The following ERCC1 variants were observed in gnomAD, a reference collection of about 807,000 sequenced individuals.
The protein encoded by ERCC1 is ERCC excision repair 1, endonuclease non-catalytic subunit.
Under a neutral mutation model 37.6 loss-of-function variants are expected in ERCC1, and 36 were observed. The observed-to-expected ratio is 0.96, with a 90% CI of 0.73 to 1.26. The LOEUF (loss-of-function observed/expected upper bound fraction) is 1.26, where lower values mean the gene tolerates loss of function less well. Ranked by LOEUF, ERCC1 falls within the 50% of genes most tolerant of loss-of-function variation. The pLI is 0.00. For synonymous variants in ERCC1, 156 were observed against 162.1 expected (o/e 0.96, Z 0.28); for missense variants, 349 against 376.5 (o/e 0.93, Z 0.60).
At chr19:45,438,063 A>T (rs1268163487) in intron 1 of ERCC1, among the ~76,000 whole-genome samples, 2 of 151,982 alleles carry the variant, frequency 1.3e-5, no homozygotes, top group Non-Finnish European at 2.9e-5. Flanking sequence ...GTGTGAGACC[A>T]CGCCCAGCTA....
At chr19:45,429,903 G>A (rs1568594746) in intron 1 of ERCC1, among the ~76,000 whole-genome samples, 1 of 152,114 alleles carries the variant, frequency 6.6e-6, no homozygotes, top group East Asian at 1.9e-4. Context: ...TCCTGCCTCA[G>A]CCTCCTGAGT....
At chr19:45,443,323 T>C (rs905250050) in intron 1 of ERCC1, among the ~76,000 whole-genome samples, 2 of 152,144 alleles carry the variant, frequency 1.3e-5, no homozygotes, top group African/African-American at 4.8e-5. Flanking sequence ...CAGCCGGCGC[T>C]CCATACATCT....
chr19:45,423,524 T>G (rs1159439576), intron 1 of ERCC1, 143 bp from the exon 2 acceptor site: 4 of 1,459,184 alleles, frequency 2.7e-6, no homozygotes, highest in Non-Finnish European at 3.6e-6. Context: ...CGCTAGAGGC[T>G]CTGTAACGCC....
intron 1 of ERCC1, among the ~76,000 whole-genome samples, chr19:45,435,687 G>T (rs1381994459): frequency 2.0e-5 from 3 of 152,060 alleles, no homozygotes; most frequent in Non-Finnish European, 4.4e-5. Context: ...CAAACTGCTG[G>T]CCTCAAGGGA....
At position 45,444,786 on chromosome 19, in the gene ERCC1, G is replaced by A. The variant is rs548647071; in HGVS notation, c.-7-21405C>T. Among the ~76,000 whole-genome samples the A allele has an allele frequency of 2.4e-4, 36 of 152,298 alleles. 1 individual carries two copies. The South Asian group carries it at 5.6e-3, about 24-fold the overall frequency. Reference sequence around the variant, plus strand: ...CACGGGCAACACCGAGGCCGGCAGGGACGCCCCTGATGGCAGAATAATCCA... The same window carrying A: ...CACGGGCAACACCGAGGCCGGCAGGAACGCCCCTGATGGCAGAATAATCCA... On this transcript the variant is annotated intron_variant, in intron 1 of 8. Coordinates refer to the ERCC1 transcript ENST00000423698.
chr19:45,439,169 G>A (rs373024370), intron 1 of ERCC1, among the ~76,000 whole-genome samples: 62 of 152,158 alleles, frequency 4.1e-4, no homozygotes, highest in African/African-American at 1.4e-3. Flanking sequence ...CTGGGCGACA[G>A]AGCGAGACTC....
chr19:45,413,591 A>C, intron 9 of ERCC1, 86 bp downstream of exon 9: 2 of 1,613,800 alleles, frequency 1.2e-6, no homozygotes, highest in Non-Finnish European at 1.7e-6. Context: ...TTCTTTTTTC[A>C]CCTTAAAACT....
chr19:45,448,020 T>C (rs4803824), intron 1 of ERCC1, among the ~76,000 whole-genome samples: 25,846 of 152,100 alleles, frequency 0.17, 2,468 homozygotes, highest in Admixed American at 0.24. Flanking sequence ...TACAGGTGTA[T>C]GCCACCAAGC....
At chr19:45,414,763 A>G in intron 7 of ERCC1, 98 bp downstream of exon 7, 1 of 855,724 alleles carries the variant, frequency 1.2e-6, no homozygotes, top group South Asian at 1.3e-5. Flanking sequence ...GACGAGGCCC[A>G]GGGATGAATG....
rs764413282 is a variant in ERCC1, at chr19:45,409,295, C to G, written c.*380G>C. Reference sequence around the variant, plus strand: ...GACTGAGCCAATTCAGCCACTAGAGCCTGAACTGCCAGGGGAGGGACAGCC... The same window carrying G: ...GACTGAGCCAATTCAGCCACTAGAGGCTGAACTGCCAGGGGAGGGACAGCC... On this transcript the variant is annotated 3_prime_UTR_variant, in exon 10 of 10. Transcript: ENST00000300853. 1.2e-5 allele frequency: 19 copies of G among 1,613,850 alleles called. No individual in the cohort carries two copies. In the South Asian group the frequency reaches 2.1e-4, roughly 18 times the overall value.
At chr19:45,438,206 G>A (rs781407480) in intron 1 of ERCC1, among the ~76,000 whole-genome samples, 10 of 152,254 alleles carry the variant, frequency 6.6e-5, no homozygotes, top group South Asian at 2.1e-4. Flanking sequence ...CACTGTGCCC[G>A]GCCTCTCATC....
intron 1 of ERCC1, chr19:45,428,919 G>A (rs1974769863): frequency 6.6e-6 from 1 of 152,200 alleles, no homozygotes. Context: ...CCGAAATAGC[G>A]CGGAGCGGAG....
rs1974330416 is a variant in ERCC1, at chr19:45,420,276, C to A, written c.425+48G>T. ...AACACTGGGACATGACCCTCCCAGGCCAGTGGGGTGCCCTTCCTGAAGTCT... is the reference window on the plus strand; with the variant it reads ...AACACTGGGACATGACCCTCCCAGGACAGTGGGGTGCCCTTCCTGAAGTCT... On this transcript the variant is annotated intron_variant, in intron 4 of 9. Coordinates refer to ENST00000300853, the MANE Select transcript of ERCC1 (RefSeq NM_001983.4). The surrounding 1 kb of genome is among the most constrained non-coding windows in gnomAD (Gnocchi z 4.8). The A allele has an allele frequency of 8.2e-7, 1 of 1,221,516 alleles. No homozygotes were observed. Among genetic ancestry groups the A allele is most frequent in the Non-Finnish European group, 1.2e-6 (1 of 836,560 alleles). 75.7% of individuals were successfully genotyped at this position (1,221,516 alleles called of 1,614,324 possible).
rs1057199784 is a variant in ERCC1, at chr19:45,409,372, G to C, written c.*303C>G. 8 of 1,614,030 alleles carry C rather than the reference G, an allele frequency of 5.0e-6. No individual in the cohort carries two copies. Among genetic ancestry groups the C allele is most frequent in the African/African-American group, 4.0e-5 (3 of 74,922 alleles). ...CCAAGAAGAGGAAGAAGCAGAGTCAGGAAAGCCGGATGCCAGAGACAGTGC... is the reference window on the plus strand; with the variant it reads ...CCAAGAAGAGGAAGAAGCAGAGTCACGAAAGCCGGATGCCAGAGACAGTGC... On this transcript the variant is annotated 3_prime_UTR_variant, in exon 10 of 10. Coordinates refer to ENST00000300853, the MANE Select transcript of ERCC1 (RefSeq NM_001983.4).
chr19:45,428,046 C>CA (rs5828234), upstream of ERCC1, among the ~76,000 whole-genome samples: 23,548 of 149,934 alleles, frequency 0.16, 2,168 homozygotes, highest in East Asian at 0.44. Flanking sequence ...TTTCTACCCT[C>CA]AGTTTCTTTT....
At position 45,408,918 on chromosome 19, in the gene ERCC1, C is replaced by T; in HGVS notation, c.*757G>A. The T allele has an allele frequency of 6.2e-7, 1 of 1,614,046 alleles. No homozygotes were observed. Among genetic ancestry groups the T allele is most frequent in the Non-Finnish European group, 8.5e-7 (1 of 1,180,004 alleles). The stretch of plus-strand genomic sequence containing the variant: ...TCTCAGCCACAGGTGAAGGTGGAGC[C>T]ACTGGAGGAAGCCATCCCTCTGCCC... On this transcript the variant is annotated 3_prime_UTR_variant, in exon 10 of 10. Transcript: ENST00000300853.
intron 5 of ERCC1, among the ~76,000 whole-genome samples, chr19:45,417,597 G>T (rs754135964): frequency 3.9e-5 from 6 of 152,144 alleles, no homozygotes; most frequent in Non-Finnish European, 8.8e-5. Context: ...TTAGAGACGG[G>T]CCTGGAGAAC....
At position 45,408,021 on chromosome 19, in the gene ERCC1, T is replaced by C. The variant is rs1973447518; in HGVS notation, c.*1654A>G. The C allele has an allele frequency of 1.0e-5, 14 of 1,402,914 alleles. No homozygotes were observed. Among genetic ancestry groups the C allele is most frequent in the Non-Finnish European group, 1.3e-5 (14 of 1,054,660 alleles). The allele number at this position is 1,402,914 out of a possible 1,614,324, so 86.9% of individuals were successfully genotyped here. A position where few individuals can be genotyped will look rare whatever the true frequency, so the allele number is the denominator to read the frequency against. ...GTGAGCCGAGATCATGCCACTGCAC[T>C]CCAGCCTAGGCAACAGAGCAAGACT... On this transcript the variant is annotated 3_prime_UTR_variant, in exon 10 of 10. Transcript: ENST00000300853.
intron 9 of ERCC1, 90 bp downstream of exon 9, chr19:45,413,587 T>C: frequency 6.2e-7 from 1 of 1,614,236 alleles, no homozygotes; most frequent in African/African-American, 1.3e-5. Context: ...TTGGTTCTTT[T>C]TTCACCTTAA....
Sources: allele counts gnomAD v4.1 joint callset (sites outside exome capture counted in the v4.1 genomes callset), GRCh38; gene constraint gnomAD v4.1.1; non-coding constraint Gnocchi (gnomAD v3.1); transcripts MANE v1.5; gene names NCBI Gene and HGNC (gene_info 2026-07-23, HGNC 2026-07-21).